The following BICC1 variants were observed in gnomAD, a reference collection of about 807,000 sequenced individuals.
BICC1 encodes protein bicaudal C homolog 1.
Under a neutral mutation model 111.0 loss-of-function variants are expected in BICC1, and 43 were observed. That is an observed-to-expected ratio of 0.39 (90% CI 0.30 to 0.50). BICC1 has a LOEUF of 0.50. BICC1 is among the 20% of genes least tolerant of loss of function. The probability of loss-of-function intolerance (pLI) is 0.88; values close to 1 mark genes in which losing one functional copy is unlikely to be tolerated. For synonymous variants in BICC1, 467 were observed against 434.4 expected, an observed-to-expected ratio of 1.07 and a Z score of -0.93; for missense variants, 1,091 against 1,203.2, an observed-to-expected ratio of 0.91 and a Z score of 1.38.
chr10:58,513,051 C>G lies in BICC1; in HGVS notation c.-93C>G. ...GCAGGGGGACGAGCTAGCGCCGCGGCGCTGGGAGCCAGTTGAGCCCGGCCG... is the reference window on the plus strand; with the variant it reads ...GCAGGGGGACGAGCTAGCGCCGCGGGGCTGGGAGCCAGTTGAGCCCGGCCG... On this transcript the variant is annotated 5_prime_UTR_variant, in exon 1 of 21. Transcript: ENST00000373886. The G allele has an allele frequency of 9.9e-7, 1 of 1,011,712 alleles. No individual in the cohort carries two copies. The allele number at this position is 1,011,712 out of a possible 1,614,324, so 62.7% of individuals were successfully genotyped here.
At chr10:58,722,326 T>G (rs1840965035) in intron 3 of BICC1, among the ~76,000 whole-genome samples, 1 of 152,212 alleles carries the variant, frequency 6.6e-6, no homozygotes, top group Non-Finnish European at 1.5e-5. Flanking sequence ...ATTTTGAACC[T>G]TATTCTAGCG....
chr10:58,672,139 C>T (rs908297921), intron 2 of BICC1, among the ~76,000 whole-genome samples: 1 of 152,160 alleles, frequency 6.6e-6, no homozygotes, highest in Non-Finnish European at 1.5e-5. Context: ...ATTTCAGTGG[C>T]ATTGAGTATA....
At chr10:58,782,403 T>C (rs1842905881) in intron 3 of BICC1, among the ~76,000 whole-genome samples, 3 of 152,190 alleles carry the variant, frequency 2.0e-5, no homozygotes, top group African/African-American at 7.2e-5. Flanking sequence ...AATACATAAA[T>C]GACTACAATT....
intron 1 of BICC1, among the ~76,000 whole-genome samples, chr10:58,544,210 A>C (rs1389118912): frequency 6.6e-6 from 1 of 152,168 alleles, no homozygotes; most frequent in African/African-American, 2.4e-5. Context: ...AGGAAAAAGG[A>C]TTCAGTTATT....
At chr10:58,814,351 G>T in intron 18 of BICC1, 1 of 539,596 alleles carries the variant, frequency 1.9e-6, no homozygotes, top group Middle Eastern at 4.9e-4. Context: ...TGCCTTATTG[G>T]ATATTTCTTC....
intron 3 of BICC1, among the ~76,000 whole-genome samples, chr10:58,705,341 A>G (rs1840357989): frequency 1.3e-5 from 2 of 152,208 alleles, no homozygotes; most frequent in Admixed American, 6.5e-5. Flanking sequence ...TCGCTTCTGG[A>G]TAATGCCCAT....
chr10:58,771,344 T>C (rs976081728), intron 3 of BICC1, among the ~76,000 whole-genome samples: 5 of 152,230 alleles, frequency 3.3e-5, no homozygotes, highest in Non-Finnish European at 7.3e-5. Context: ...CAGATAGTTA[T>C]CTAATGCTTG....
At chr10:58,532,275 A>G (rs372249128) in intron 1 of BICC1, among the ~76,000 whole-genome samples, 48 of 150,178 alleles carry the variant, frequency 3.2e-4, no homozygotes, top group African/African-American at 1.0e-3. Context: ...GGGATCTTCA[A>G]AAAGTTTGTG....
At chr10:58,771,026 G>T (rs1014836018) in intron 3 of BICC1, among the ~76,000 whole-genome samples, 3 of 152,160 alleles carry the variant, frequency 2.0e-5, no homozygotes, top group Non-Finnish European at 2.9e-5. Flanking sequence ...TACTTACTAT[G>T]ATTTAATCCT....
intron 1 of BICC1, among the ~76,000 whole-genome samples, chr10:58,535,160 A>G (rs1842793301): frequency 6.6e-6 from 1 of 151,792 alleles, no homozygotes; most frequent in African/African-American, 2.4e-5. Flanking sequence ...TGGAAAACCT[A>G]TTTGAGGGAA....
intron 15 of BICC1, among the ~76,000 whole-genome samples, chr10:58,806,186 G>T (rs544385366): frequency 1.3e-5 from 2 of 152,146 alleles, no homozygotes; most frequent in East Asian, 1.9e-4. Flanking sequence ...ACCCTAAGGG[G>T]GCCAATAGAT....
At chr10:58,649,541 T>C (rs1445113651) in intron 2 of BICC1, among the ~76,000 whole-genome samples, 4 of 152,124 alleles carry the variant, frequency 2.6e-5, no homozygotes, top group Non-Finnish European at 5.9e-5. Flanking sequence ...CTCATGGGTG[T>C]CTTTTAAAAA....
chr10:58,692,355 T>C (rs1156466837), intron 2 of BICC1, among the ~76,000 whole-genome samples: 1 of 152,164 alleles, frequency 6.6e-6, no homozygotes, highest in Non-Finnish European at 1.5e-5. Context: ...TAATTCTTAG[T>C]GAAGCATGAA....
Position 58,730,369 on chromosome 10 carries a change from G to A in BICC1, c.307+28226G>A, listed in dbSNP as rs1841249391. ...GGAGCTCTACTCCTGTGGCCTTGTG[G>A]GGTTTAGCCCCTGTGGCTACTGTCA... On this transcript the variant is annotated intron_variant, in intron 3 of 20. Transcript: ENST00000373886. 2.0e-5 allele frequency among the ~76,000 whole-genome samples: 3 copies of A among 152,164 alleles called. No homozygotes were observed. In the South Asian group the frequency reaches 6.2e-4, roughly 32 times the overall value.
intron 2 of BICC1, among the ~76,000 whole-genome samples, chr10:58,624,014 T>G (rs1371355909): frequency 6.6e-6 from 1 of 152,226 alleles, no homozygotes; most frequent in Non-Finnish European, 1.5e-5. Context: ...CTTTGAAACT[T>G]TTTGTATTTG....
intron 3 of BICC1, among the ~76,000 whole-genome samples, chr10:58,779,469 A>T (rs1242725339): frequency 6.6e-6 from 1 of 152,218 alleles, no homozygotes; most frequent in African/African-American, 2.4e-5. Flanking sequence ...AGCTTCTTGG[A>T]AACATTTTAG....
intron 19 of BICC1, among the ~76,000 whole-genome samples, chr10:58,819,557 T>C (rs941196180): frequency 1.3e-5 from 2 of 152,146 alleles, no homozygotes; most frequent in Non-Finnish European, 2.9e-5. Context: ...CTTTCACAGG[T>C]GATATATCAA....
chr10:58,742,222 G>A (rs1400590182), intron 3 of BICC1, among the ~76,000 whole-genome samples: 2 of 152,038 alleles, frequency 1.3e-5, no homozygotes, highest in Admixed American at 6.6e-5. Context: ...TTTTACTTGT[G>A]TATGTTTTGT....
intron 2 of BICC1, among the ~76,000 whole-genome samples, chr10:58,624,203 T>C (rs1845915060): frequency 6.6e-6 from 1 of 152,202 alleles, no homozygotes; most frequent in African/African-American, 2.4e-5. Flanking sequence ...CCTGTCTCTA[T>C]GTCCAAATAA....
Sources: gnomAD v4.1 joint callset for allele counts (sites outside exome capture counted in the v4.1 genomes callset) on GRCh38, gnomAD v4.1.1 for gene constraint, MANE v1.5 for transcripts, NCBI Gene and HGNC (gene_info 2026-07-23, HGNC 2026-07-21) for gene names.